Variants in PSEN2 observed in about 807,000 individuals in gnomAD.
PSEN2 encodes presenilin 2, also known as presenilin-2.
Under a neutral mutation model 49.1 loss-of-function variants are expected in PSEN2, and 32 were observed. The ratio of observed to expected loss-of-function variants is 0.65; its 90% confidence interval spans 0.49 to 0.88. The LOEUF is 0.88. PSEN2 is among the 40% of genes least tolerant of loss of function. The pLI, the probability that PSEN2 is intolerant of heterozygous loss-of-function variation, is 0.00. For synonymous variants in PSEN2, 255 were observed against 244.0 expected (o/e 1.05, Z -0.42); for missense variants, 522 against 586.9 (o/e 0.89, Z 1.14).
chr1:226,873,200 A>G (rs1230022662), intron 2 of PSEN2, among the ~76,000 whole-genome samples: 1 of 151,994 alleles, frequency 6.6e-6, no homozygotes, highest in Non-Finnish European at 1.5e-5. Flanking sequence ...ATGGTTTCAC[A>G]TCAGTCCTCA....
At chr1:226,891,219 G>T in intron 9 of PSEN2, 59 bp from the exon 10 acceptor site, 1 of 1,489,726 alleles carries the variant, frequency 6.7e-7, no homozygotes, top group Admixed American at 1.8e-5. Flanking sequence ...CCTCCCCCAG[G>T]CCCTGCAGGC....
Position 226,891,565 on chromosome 1 carries a change from C to T in PSEN2, c.971-178C>T, listed in dbSNP as rs371541473. On this transcript the variant is annotated intron_variant, in intron 10 of 12. Transcript: ENST00000366783. ...GGTCCTCTGCCAGCCTCTGTTGCATCGTTCTGCTGGGCGTGGGTGGGTGGA... is the reference window on the plus strand; with the variant it reads ...GGTCCTCTGCCAGCCTCTGTTGCATTGTTCTGCTGGGCGTGGGTGGGTGGA... 4.4e-4 allele frequency among the ~76,000 whole-genome samples: 67 copies of T among 152,160 alleles called. 1 individual carries two copies. The highest frequency in any genetic ancestry group is 1.4e-3 in the African/African-American group (59 of 41,548).
chr1:226,882,973 T>G (rs1455730778), intron 4 of PSEN2, among the ~76,000 whole-genome samples: 2 of 152,142 alleles, frequency 1.3e-5, no homozygotes, highest in Admixed American at 1.3e-4. Context: ...TTCATTTGGC[T>G]TTTTCTTTAG....
At chr1:226,896,390 A>G (rs1454762298), downstream of PSEN2, among the ~76,000 whole-genome samples, 1 of 152,200 alleles carries the variant, frequency 6.6e-6, no homozygotes, top group Non-Finnish European at 1.5e-5. Flanking sequence ...GGTGGTTGCC[A>G]AAACATCCAG....
intron 1 of PSEN2, chr1:226,870,994 G>C (rs940757050): frequency 6.6e-6 from 1 of 152,356 alleles, no homozygotes. Context: ...GGGTGGGCGC[G>C]GCGCGAGCGG....
chr1:226,874,710 T>G (rs1365091633), intron 2 of PSEN2, among the ~76,000 whole-genome samples: 1 of 152,196 alleles, frequency 6.6e-6, no homozygotes, highest in Non-Finnish European at 1.5e-5. Context: ...ACTTTACAGG[T>G]TATCTCTAGG....
At chr1:226,888,240 G>A in intron 7 of PSEN2, 82 bp downstream of exon 7, 1 of 1,290,794 alleles carries the variant, frequency 7.7e-7, no homozygotes, top group Non-Finnish European at 1.1e-6. Flanking sequence ...GACCTGGGCG[G>A]GGAAAGATGA....
At chr1:226,894,832 T>C (rs1033538715) in intron 12 of PSEN2, among the ~76,000 whole-genome samples, 1 of 152,158 alleles carries the variant, frequency 6.6e-6, no homozygotes, top group Admixed American at 6.5e-5. Context: ...CACAAGTATA[T>C]CAGGGATGGG....
chr1:226,885,668 C>A lies in PSEN2; in HGVS notation c.487C>A (p.Arg163Ser), dbSNP rs200931244. ...TIFLVVLYKY[R>S]CYKFIHGWLI... The stretch of plus-strand genomic sequence containing the variant: ...CTTCTTGGTGGTGCTCTACAAGTAC[C>A]GCTGCTACAAGGTGAGGCCCTGGCC... The change falls in exon 6 of 13, where the codon CGC becomes AGC. Residue 163 changes from arginine (R) to serine (S), a missense_variant. Arg to Ser is a moderately radical substitution (Grantham distance 110, BLOSUM62 -1). Transcript: ENST00000366783. 1.9e-6 allele frequency: 3 copies of A among 1,608,368 alleles called. No individual in the cohort carries two copies. The highest frequency in any genetic ancestry group is 1.7e-6 in the Non-Finnish European group (2 of 1,179,964).
intron 5 of PSEN2, among the ~76,000 whole-genome samples, 192 bp from the exon 6 acceptor site, chr1:226,885,346 G>A (rs1409574392): frequency 6.6e-6 from 1 of 152,150 alleles, no homozygotes; most frequent in Non-Finnish European, 1.5e-5. Context: ...ACAGGTCTGT[G>A]GTCAGGGTGC....
intron 6 of PSEN2, among the ~76,000 whole-genome samples, chr1:226,887,068 A>G (rs929448905): frequency 3.3e-5 from 5 of 152,132 alleles, no homozygotes; most frequent in Non-Finnish European, 7.4e-5. Flanking sequence ...GAGGATACAG[A>G]TTGCATGGGG....
downstream of PSEN2, chr1:226,898,123 A>T (rs1800674): frequency 2.0e-5 from 3 of 152,032 alleles, no homozygotes; most frequent in Admixed American, 2.0e-4. Flanking sequence ...TGCCTGGCTA[A>T]TTTTGTATTT....
chr1:226,884,231 G>T (rs1320476741), intron 5 of PSEN2, among the ~76,000 whole-genome samples: 3 of 152,244 alleles, frequency 2.0e-5, no homozygotes, highest in Non-Finnish European at 4.4e-5. Flanking sequence ...GCACGTGAGT[G>T]CTCAGGCAAG....
In PSEN2 at chr1:226,878,087, C is replaced by CT. The variant is rs1409553453; in HGVS notation, c.-21+2547dup. 4.3e-3 allele frequency among the ~76,000 whole-genome samples: 637 copies of CT among 148,920 alleles called. 5 individuals are homozygous for CT. The highest frequency in any genetic ancestry group is 0.012 in the African/African-American group (487 of 40,720). ...CTTTTTTTTCTTTTTCTTTTTCTTT[C>CT]TTTTTTTTTTGAGACAGAGTCTCAC... On this transcript the variant is annotated intron_variant, in intron 3 of 12. Coordinates refer to ENST00000366783, the MANE Select transcript of PSEN2 (RefSeq NM_000447.3).
intron 12 of PSEN2, 48 bp downstream of exon 12, chr1:226,894,173 G>A (rs1443864497): frequency 7.0e-7 from 1 of 1,424,772 alleles, no homozygotes. Flanking sequence ...GGGGCCCCCA[G>A]GGTCCTCATT....
chr1:226,897,481 G>T (rs144430158), downstream of PSEN2: 419 of 155,056 alleles, frequency 2.7e-3, 5 homozygotes, highest in African/African-American at 9.7e-3. Context: ...ACAAGGACAT[G>T]TGAGAAGACG....
chr1:226,876,081 A>G (rs1172099811), intron 3 of PSEN2, among the ~76,000 whole-genome samples: 1 of 152,154 alleles, frequency 6.6e-6, no homozygotes, highest in Non-Finnish European at 1.5e-5. Flanking sequence ...GGGACTTGAC[A>G]TCACCCAGCC....
At chr1:226,890,583 G>A (rs764000353) in intron 9 of PSEN2, 18 of 272,630 alleles carry the variant, frequency 6.6e-5, no homozygotes, top group Admixed American at 2.9e-4. Flanking sequence ...CCCTGGCCTC[G>A]GGGTCAATGT....
At chr1:226,883,669 G>T in intron 4 of PSEN2, 36 bp from the exon 5 acceptor site, 1 of 1,596,930 alleles carries the variant, frequency 6.3e-7, no homozygotes, top group Non-Finnish European at 8.6e-7. Context: ...TGCCGTGGGG[G>T]ACATTCTGCG....
Sources: allele counts gnomAD v4.1 joint callset (sites outside exome capture counted in the v4.1 genomes callset), GRCh38; gene constraint gnomAD v4.1.1; transcripts MANE v1.5; gene names NCBI Gene and HGNC (gene_info 2026-07-23, HGNC 2026-07-21).